The following CPSF4L variants were observed in gnomAD, a reference collection of about 807,000 sequenced individuals.
CPSF4L encodes the protein putative cleavage and polyadenylation specificity factor subunit 4-like protein.
A neutral mutation model predicts 24.0 loss-of-function variants in CPSF4L; 18 were observed. The ratio of observed to expected loss-of-function variants is 0.75; its 90% CI spans 0.52 to 1.11. CPSF4L has a LOEUF of 1.11. Among genes scored for constraint, CPSF4L ranks in the 50% least tolerant of loss-of-function variants. The pLI, the probability that CPSF4L is intolerant of heterozygous loss-of-function variation, is 0.00. For missense variants in CPSF4L, 211 were observed against 221.8 expected (o/e 0.95, Z 0.31); for synonymous variants, 72 against 77.2 (o/e 0.93, Z 0.35).
downstream of CPSF4L, chr17:73,245,712 G>T (rs1223948852): frequency 1.6e-5 from 16 of 985,264 alleles, no homozygotes; most frequent in Non-Finnish European, 1.8e-5. Context: ...CTAAGGATGG[G>T]CATTCGAGTT....
At chr17:73,262,110 G>A, upstream of CPSF4L, 1 of 416,684 alleles carries the variant, frequency 2.4e-6, no homozygotes, top group Admixed American at 3.7e-5. Flanking sequence ...CCCACAAACT[G>A]CTTATCTTTG....
At chr17:73,250,917 T>C (rs746203963) in intron 5 of CPSF4L, 45 of 1,349,320 alleles carry the variant, frequency 3.3e-5, no homozygotes, top group African/African-American at 8.8e-5. Flanking sequence ...GATCATTCCT[T>C]GCCCTCCCAG....
At chr17:73,253,185 C>G (rs2145276750) in intron 4 of CPSF4L, among the ~76,000 whole-genome samples, 1 of 152,228 alleles carries the variant, frequency 6.6e-6, no homozygotes, top group South Asian at 2.1e-4. Context: ...CATGGTGAGA[C>G]CCTGTCTCTA....
At chr17:73,247,553 G>T (rs1449682350), downstream of CPSF4L, 4 of 506,542 alleles carry the variant, frequency 7.9e-6, no homozygotes, top group Non-Finnish European at 1.4e-5. Flanking sequence ...ATAATGAAAA[G>T]GTTTAACTTA....
chr17:73,254,291 G>T (rs898809147), intron 3 of CPSF4L, among the ~76,000 whole-genome samples: 19 of 152,230 alleles, frequency 1.2e-4, no homozygotes, highest in African/African-American at 7.2e-5. Flanking sequence ...GGAGAAGGAG[G>T]CACTGGAACT....
downstream of CPSF4L, chr17:73,248,401 G>T: frequency 8.8e-7 from 1 of 1,140,508 alleles, no homozygotes; most frequent in Non-Finnish European, 1.3e-6. Context: ...TATAAGTTTT[G>T]TCTCTTAAAA....
chr17:73,246,361 T>C (rs548001471), downstream of CPSF4L, among the ~76,000 whole-genome samples: 3 of 151,598 alleles, frequency 2.0e-5, no homozygotes, highest in African/African-American at 7.3e-5. Context: ...GTGAAATCCA[T>C]CTCTACAAAA....
rs1358752581 is a variant in CPSF4L at position 73,261,718 on chromosome 17, T to C, written c.101A>G (p.Asp34Gly). 3 of 1,547,758 alleles carry C rather than the reference T, an allele frequency of 1.9e-6. No individual in the cohort carries two copies. The highest frequency in any genetic ancestry group is 2.6e-6 in the Non-Finnish European group (3 of 1,143,756). Residue 34 changes from aspartate (D) to glycine (G), a missense_variant and splice_region_variant, in exon 1 of 6, where the codon GAC becomes GGC. Transcript: ENST00000344935. ...AAAGTGGCCCCACCCTCACTCACTG[T>C]CCATGCCCTGGAAAGGCAGGAGCCC... is the stretch of plus-strand genomic sequence containing the variant. Reference protein sequence around the residue: ...GTGLLPFQGMDKSASAVCNFF... With the variant: ...GTGLLPFQGMGKSASAVCNFF...
chr17:73,252,992 T>A (rs570065024), intron 4 of CPSF4L, among the ~76,000 whole-genome samples: 299 of 19,432 alleles, frequency 0.015, 1 homozygote, highest in African/African-American at 0.022. Context: ...ACATGCTGTG[T>A]CCTGGAGGAC....
intron 1 of CPSF4L, among the ~76,000 whole-genome samples, chr17:73,261,477 T>C (rs112936201): frequency 0.037 from 5,609 of 152,124 alleles, 145 homozygotes; most frequent in South Asian, 0.11. Flanking sequence ...CTGGCTAACA[T>C]GGTGAAACCC....
the CPSF4L span, chr17:73,242,138 G>C: frequency 1.5e-6 from 1 of 653,480 alleles, no homozygotes. Flanking sequence ...CACCTGTTTA[G>C]AATATGCTCT....
chr17:73,261,814 T>C lies in CPSF4L; in HGVS notation c.5A>G (p.Gln2Arg), dbSNP rs2062047813. 3 of 1,551,324 alleles carry C rather than the reference T, an allele frequency of 1.9e-6. No individual in the cohort carries two copies. The highest frequency in any genetic ancestry group is 1.4e-5 in the African/African-American group (1 of 73,050). The change falls in exon 1 of 6, where the codon CAA (glutamine) becomes CGA (arginine). Residue 2 changes from glutamine (Q) to arginine (R), a missense_variant. By Grantham distance (43) the Gln-to-Arg change is conservative (BLOSUM62 1). Coordinates refer to ENST00000344935, the MANE Select transcript of CPSF4L (RefSeq NM_001129885.1). ...CCGCTCTAGCCCCGCAATGACCTCT[T>C]GCATCTTCCGTCTCCTGCTGGGGCT... Reference protein sequence around the residue: MQEVIAGLERFT... With the variant: MREVIAGLERFT...
intron 2 of CPSF4L, 149 bp downstream of exon 2, chr17:73,260,784 T>C (rs1599415904): frequency 2.0e-6 from 1 of 500,580 alleles, no homozygotes; most frequent in East Asian, 3.4e-5. Context: ...ATAAATAAAA[T>C]AAAAATAAAA....
upstream of CPSF4L, chr17:73,261,999 G>A: frequency 1.7e-6 from 1 of 593,904 alleles, no homozygotes; most frequent in South Asian, 2.0e-5. Context: ...GGGCCCAGCT[G>A]CCTCACCCGG....
chr17:73,242,925 A>G, the CPSF4L span: 5 of 1,613,808 alleles, frequency 3.1e-6, no homozygotes, highest in Non-Finnish European at 4.2e-6. Context: ...CACCATAAGG[A>G]AGAGTGGATT....
At chr17:73,261,036 T>C in intron 1 of CPSF4L, 53 bp from the exon 2 acceptor site, 1 of 1,455,970 alleles carries the variant, frequency 6.9e-7, no homozygotes, top group South Asian at 1.2e-5. Flanking sequence ...GCTGCAGCTG[T>C]TCCGGAAGCC....
At chr17:73,245,466 T>G (rs2061937422), downstream of CPSF4L, 1 of 1,119,100 alleles carries the variant, frequency 8.9e-7, no homozygotes, top group Non-Finnish European at 1.1e-6. Context: ...AACCATAAAG[T>G]TGTTATTCAA....
At chr17:73,251,203 G>A (rs1010184058) in intron 5 of CPSF4L, 1 of 1,313,922 alleles carries the variant, frequency 7.6e-7, no homozygotes, top group Admixed American at 3.1e-5. Context: ...TGCATTTAGG[G>A]TGAAACCAGG....
chr17:73,243,590 A>G (rs2145241002), downstream of CPSF4L, among the ~76,000 whole-genome samples: 1 of 145,926 alleles, frequency 6.9e-6, no homozygotes, highest in South Asian at 2.2e-4. Context: ...GTGCAGTGGC[A>G]TGATCTCAGC....
Sources: allele counts gnomAD v4.1 joint callset (sites outside exome capture counted in the v4.1 genomes callset), GRCh38; gene constraint gnomAD v4.1.1; transcripts MANE v1.5; gene names NCBI Gene and HGNC (gene_info 2026-07-23, HGNC 2026-07-21).